Variants in SYCP2L observed in about 807,000 individuals in gnomAD.
SYCP2L encodes synaptonemal complex protein 2-like.
A neutral mutation model predicts 125.8 loss-of-function variants in SYCP2L; 98 were observed. The observed-to-expected ratio is 0.78, with a 90% confidence interval of 0.66 to 0.92. The LOEUF (loss-of-function observed/expected upper bound fraction) is 0.92, where lower values mean the gene tolerates loss of function less well. Among genes scored for constraint, SYCP2L ranks in the 40% least tolerant of loss-of-function variants. SYCP2L has a pLI of 0.00. For synonymous variants in SYCP2L, 317 were observed against 325.4 expected (o/e 0.97, Z 0.28); for missense variants, 842 against 936.4 (o/e 0.90, Z 1.32).
intron 23 of SYCP2L, among the ~76,000 whole-genome samples, chr6:10,949,811 A>AT (rs1477550161): frequency 7.1e-6 from 1 of 140,562 alleles, no homozygotes; most frequent in Non-Finnish European, 1.5e-5. Flanking sequence ...TTATATCTGG[A>AT]TTAAAAAAAA....
chr6:10,934,129 C>G (rs1041188619), intron 20 of SYCP2L, among the ~76,000 whole-genome samples: 1 of 152,164 alleles, frequency 6.6e-6, no homozygotes, highest in Admixed American at 6.5e-5. Flanking sequence ...CACTCTGTCT[C>G]TCTCTTAACT....
rs556019631 is a variant in SYCP2L at position 10,969,881 on chromosome 6, T to TATATAACATGATCCC, written c.*38-4069_*38-4055dup. Among the ~76,000 whole-genome samples, 81 of 152,294 alleles carry TATATAACATGATCCC rather than the reference T, an allele frequency of 5.3e-4. 1 individual carries two copies. In the East Asian group the frequency reaches 0.015, roughly 29 times the overall value. ...GTAAGTGAAAAGTCGCAAAGTAGCA[T>TATATAACATGATCCC]ATATAACATGATCCCACCTGTATGA... On this transcript the variant is annotated intron_variant, in intron 29 of 29. Coordinates refer to ENST00000283141, the MANE Select transcript of SYCP2L (RefSeq NM_001040274.3).
At chr6:10,896,797 T>C (rs564946645) in intron 4 of SYCP2L, among the ~76,000 whole-genome samples, 51 of 152,336 alleles carry the variant, frequency 3.3e-4, no homozygotes, top group African/African-American at 1.2e-3. Context: ...TGATTCTGAT[T>C]ACTGGGTCTG....
rs370005748 is a variant in SYCP2L at position 10,898,645 on chromosome 6, G to C, written c.442-179G>C. ...ACAAATATATTAGTCACCTGATTGAGAGTGATATGCACATTTTAAGGAAGT... is the reference window on the plus strand; with the variant it reads ...ACAAATATATTAGTCACCTGATTGACAGTGATATGCACATTTTAAGGAAGT... On this transcript the variant is annotated intron_variant, in intron 5 of 29. Transcript: ENST00000283141. 7.8e-4 allele frequency among the ~76,000 whole-genome samples: 119 copies of C among 152,322 alleles called. 3 individuals are homozygous for C. In the South Asian group the frequency reaches 0.024, roughly 30 times the overall value.
rs1229791505 is a variant in SYCP2L at position 10,974,285 on chromosome 6, AAC to A, written c.*374_*375del. The A allele has an allele frequency of 6.6e-6, 1 of 152,218 alleles. No individual in the cohort carries two copies. Among genetic ancestry groups the A allele is most frequent in the Non-Finnish European group, 1.5e-5 (1 of 68,046 alleles). The allele number at this position is 152,218 out of a possible 1,614,324, so 9.4% of individuals were successfully genotyped here. A position where few individuals can be genotyped will look rare whatever the true frequency, so the allele number is the denominator to read the frequency against. ...ATGTCTTCAAGTTTTGTGTGAATAA[AAC>A]ACTTTAGCAGCATCTGTATAAATAC... On this transcript the variant is annotated 3_prime_UTR_variant, in exon 30 of 30. Coordinates refer to ENST00000283141, the MANE Select transcript of SYCP2L (RefSeq NM_001040274.3).
intron 29 of SYCP2L, among the ~76,000 whole-genome samples, chr6:10,969,701 G>A (rs1781739802): frequency 6.6e-6 from 1 of 152,016 alleles, no homozygotes; most frequent in Non-Finnish European, 1.5e-5. Context: ...CATGTGCAAA[G>A]ATACGTGCAA....
chr6:10,902,130 C>T (rs771199001), intron 6 of SYCP2L, among the ~76,000 whole-genome samples: 2 of 152,198 alleles, frequency 1.3e-5, no homozygotes, highest in Non-Finnish European at 2.9e-5. Flanking sequence ...TGGAACTGAT[C>T]GGTCTCACCC....
At chr6:10,946,528 T>G (rs1446702419) in intron 23 of SYCP2L, among the ~76,000 whole-genome samples, 1 of 152,178 alleles carries the variant, frequency 6.6e-6, no homozygotes, top group African/African-American at 2.4e-5. Context: ...ATTTTAAAAC[T>G]TGAGGTTGAA....
At chr6:10,889,822 G>T (rs1186166181) in intron 1 of SYCP2L, among the ~76,000 whole-genome samples, 1 of 151,856 alleles carries the variant, frequency 6.6e-6, no homozygotes, top group African/African-American at 2.4e-5. Flanking sequence ...GTTTTGTCAT[G>T]TTGGCCAGGC....
chr6:10,904,403 A>C (rs1450507216), intron 8 of SYCP2L, among the ~76,000 whole-genome samples: 1 of 152,198 alleles, frequency 6.6e-6, no homozygotes, highest in East Asian at 1.9e-4. Context: ...GTGTGGCCAC[A>C]GTGTAGGGCC....
chr6:10,951,623 G>A (rs1001338855), intron 23 of SYCP2L, among the ~76,000 whole-genome samples: 3 of 152,108 alleles, frequency 2.0e-5, no homozygotes, highest in Non-Finnish European at 2.9e-5. Flanking sequence ...TCTTTAAATT[G>A]TCATACTCTT....
chr6:10,891,613 CTGTGTGTG>C (rs3066124), intron 2 of SYCP2L, 32 bp downstream of exon 2: 6,363 of 118,146 alleles, frequency 0.054, 85 homozygotes, highest in East Asian at 0.38. Flanking sequence ...TAATCTCTCT[CTGTGTGTG>C]TGTGTGTGTG....
intron 8 of SYCP2L, among the ~76,000 whole-genome samples, chr6:10,903,286 C>A (rs759690181): frequency 1.3e-5 from 2 of 152,060 alleles, no homozygotes; most frequent in Non-Finnish European, 2.9e-5. Context: ...TGGTGGCTCA[C>A]GCCTGTAATC....
intron 23 of SYCP2L, among the ~76,000 whole-genome samples, chr6:10,947,603 A>T (rs1781338213): frequency 6.6e-6 from 1 of 152,110 alleles, no homozygotes; most frequent in Non-Finnish European, 1.5e-5. Context: ...ATAACCCTGT[A>T]TCTGGCAACC....
At chr6:10,906,721 C>T (rs935906072) in intron 9 of SYCP2L, among the ~76,000 whole-genome samples, 2 of 151,866 alleles carry the variant, frequency 1.3e-5, no homozygotes, top group Admixed American at 1.3e-4. Flanking sequence ...CCTCAGCCTC[C>T]CGAGTAGCTG....
chr6:10,940,070 G>A (rs936931268), intron 21 of SYCP2L, among the ~76,000 whole-genome samples: 1 of 145,846 alleles, frequency 6.9e-6, no homozygotes, highest in Non-Finnish European at 1.5e-5. Context: ...AAGCACAAAT[G>A]GCTAATGGGT....
chr6:10,961,569 A>G lies in SYCP2L; in HGVS notation c.2414+11A>G. 1 of 1,613,954 alleles carries G rather than the reference A, an allele frequency of 6.2e-7. No individual in the cohort carries two copies. Among genetic ancestry groups the G allele is most frequent in the Non-Finnish European group, 8.5e-7 (1 of 1,179,820 alleles). The stretch of plus-strand genomic sequence containing the variant: ...TCTGCAAGTGCTGAGGTACTTTGAA[A>G]GGTGTTCTTTCTAGAAGAATCTTGG... On this transcript the variant is annotated intron_variant, in intron 28 of 29. Transcript: ENST00000283141.
chr6:10,948,213 T>A lies in SYCP2L; in HGVS notation c.1954+5467T>A, dbSNP rs545590961. Among the ~76,000 whole-genome samples, 9 of 152,246 alleles carry A rather than the reference T, an allele frequency of 5.9e-5. No individual in the cohort carries two copies. In the South Asian group the frequency reaches 1.9e-3, roughly 32 times the overall value. ...TGTATGCGTGTGTTAATAATAAAGA[T>A]CTACTCTCTCAGCCAATTTCAAGTA... is the stretch of plus-strand genomic sequence containing the variant. On this transcript the variant is annotated intron_variant, in intron 23 of 29. Coordinates refer to ENST00000283141, the MANE Select transcript of SYCP2L (RefSeq NM_001040274.3).
intron 20 of SYCP2L, among the ~76,000 whole-genome samples, chr6:10,932,101 T>G (rs1157217422): frequency 6.6e-6 from 1 of 152,036 alleles, no homozygotes; most frequent in Non-Finnish European, 1.5e-5. Flanking sequence ...CTTTTGAATT[T>G]ATGTTTTGAT....
Sources: gnomAD v4.1 joint callset for allele counts (sites outside exome capture counted in the v4.1 genomes callset) on GRCh38, gnomAD v4.1.1 for gene constraint, MANE v1.5 for transcripts, NCBI Gene and HGNC (gene_info 2026-07-23, HGNC 2026-07-21) for gene names.